Variants in GPM6A observed in about 807,000 individuals in gnomAD.
GPM6A encodes neuronal membrane glycoprotein M6-a.
GPM6A carries 7 observed loss-of-function variants against 32.1 expected under a neutral mutation model. That is an observed-to-expected ratio of 0.22 (90% CI 0.12 to 0.41). The LOEUF is 0.41. Ranked by LOEUF, GPM6A falls within the 10% of genes least tolerant of loss-of-function variation. The pLI is 1.00. For missense variants in GPM6A, 235 were observed against 347.2 expected (o/e 0.68, Z 2.57); for synonymous variants, 130 against 123.4 (o/e 1.05, Z -0.35).
intron 1 of GPM6A, among the ~76,000 whole-genome samples, chr4:175,761,168 G>A (rs1383202196): frequency 2.6e-5 from 4 of 152,110 alleles, no homozygotes; most frequent in Non-Finnish European, 5.9e-5. Flanking sequence ...TTTTCAAGAT[G>A]GATCTTGCTC....
intron 1 of GPM6A, among the ~76,000 whole-genome samples, chr4:175,876,058 T>C (rs1461161633): frequency 6.6e-6 from 1 of 152,234 alleles, no homozygotes; most frequent in Non-Finnish European, 1.5e-5. Flanking sequence ...ACCTTTTTTG[T>C]CACTTACTTT....
intron 1 of GPM6A, among the ~76,000 whole-genome samples, chr4:175,777,501 A>G (rs1488397665): frequency 6.6e-6 from 1 of 152,130 alleles, no homozygotes; most frequent in Admixed American, 6.5e-5. Context: ...ATTGTGAGAT[A>G]GAGAACATTC....
chr4:175,729,382 A>G (rs1303186067), intron 1 of GPM6A, among the ~76,000 whole-genome samples: 1 of 152,148 alleles, frequency 6.6e-6, no homozygotes, highest in African/African-American at 2.4e-5. Flanking sequence ...CAGGAAATGC[A>G]CCTTGACCCA....
intron 1 of GPM6A, among the ~76,000 whole-genome samples, chr4:175,891,063 C>A (rs1737633647): frequency 6.6e-6 from 1 of 152,114 alleles, no homozygotes; most frequent in South Asian, 2.1e-4. Flanking sequence ...GCCTGGAACT[C>A]ACCTTTATGA....
chr4:175,793,584 C>T (rs1211514183), intron 1 of GPM6A, among the ~76,000 whole-genome samples: 1 of 152,132 alleles, frequency 6.6e-6, no homozygotes, highest in African/African-American at 2.4e-5. Flanking sequence ...CTATGTTGGC[C>T]AGGCTGGTCT....
At chr4:175,954,236 C>T (rs7688623) in intron 1 of GPM6A, among the ~76,000 whole-genome samples, 77,579 of 152,046 alleles carry the variant, frequency 0.51, 22,628 homozygotes, top group Non-Finnish European at 0.63. Context: ...AATCCAGGTG[C>T]TCAACAGTCA....
chr4:175,833,423 T>C (rs916709721), intron 1 of GPM6A, among the ~76,000 whole-genome samples: 1 of 152,200 alleles, frequency 6.6e-6, no homozygotes, highest in Non-Finnish European at 1.5e-5. Context: ...TTTGTTTTGT[T>C]ATGTTTTGTT....
At chr4:175,813,187 G>T (rs1291418852), upstream of GPM6A, 3 of 542,426 alleles carry the variant, frequency 5.5e-6, no homozygotes, top group African/African-American at 6.1e-5. Context: ...TCTCTTGAAA[G>T]GGAATTTCTT....
At chr4:175,890,492 T>C (rs1225065529) in intron 1 of GPM6A, among the ~76,000 whole-genome samples, 1 of 76,942 alleles carries the variant, frequency 1.3e-5, no homozygotes, top group Admixed American at 1.4e-4. Flanking sequence ...AGAGCAATTT[T>C]ATTTTATTTT....
intron 1 of GPM6A, among the ~76,000 whole-genome samples, chr4:175,757,631 T>A (rs1362207543): frequency 6.6e-6 from 1 of 152,168 alleles, no homozygotes; most frequent in East Asian, 1.9e-4. Context: ...GCAAGGAATG[T>A]AACAACCCAT....
chr4:175,643,373 T>C lies in GPM6A; in HGVS notation c.542-2544A>G, dbSNP rs142112468. 5.2e-3 allele frequency among the ~76,000 whole-genome samples: 785 copies of C among 152,294 alleles called. 7 individuals are homozygous for C. The highest frequency in any genetic ancestry group is 0.016 in the African/African-American group (683 of 41,560). ...CAAGATGGTACATCGTGGGAACTCA[T>C]AGACTTCATCTCAGTCTTTTGTCCT... On this transcript the variant is annotated intron_variant, in intron 4 of 6. Coordinates refer to ENST00000393658, the MANE Select transcript of GPM6A (RefSeq NM_201591.3).
At chr4:175,866,568 A>G (rs10033403) in intron 1 of GPM6A, among the ~76,000 whole-genome samples, 51,487 of 152,006 alleles carry the variant, frequency 0.34, 8,698 homozygotes, top group East Asian at 0.36. Flanking sequence ...ACATTTAAGG[A>G]TTCCCCGTGT....
chr4:175,656,213 A>C (rs552412381), intron 3 of GPM6A, among the ~76,000 whole-genome samples: 1 of 152,252 alleles, frequency 6.6e-6, no homozygotes, highest in South Asian at 2.1e-4. Context: ...GAATTAGTTA[A>C]TTCATTGATC....
At chr4:175,813,605 C>T (rs1035743695), upstream of GPM6A, among the ~76,000 whole-genome samples, 1 of 152,038 alleles carries the variant, frequency 6.6e-6, no homozygotes, top group Non-Finnish European at 1.5e-5. Context: ...GACACACACA[C>T]AGACATAACT....
chr4:175,672,497 A>C (rs901898574), intron 3 of GPM6A, among the ~76,000 whole-genome samples: 1 of 152,218 alleles, frequency 6.6e-6, no homozygotes, highest in African/African-American at 2.4e-5. Context: ...TTGCCTTTTT[A>C]CTGGAGAAAT....
chr4:175,999,639 T>C (rs1285113922), intron 1 of GPM6A, among the ~76,000 whole-genome samples: 2 of 152,190 alleles, frequency 1.3e-5, no homozygotes, highest in Non-Finnish European at 2.9e-5. Flanking sequence ...AGAGTTCAGA[T>C]TTCTTCTTCT....
chr4:175,767,905 C>T (rs936890096), intron 1 of GPM6A, among the ~76,000 whole-genome samples: 1 of 152,166 alleles, frequency 6.6e-6, no homozygotes, highest in African/African-American at 2.4e-5. Context: ...GTCTTAGATG[C>T]CACATATTTC....
chr4:175,707,847 T>G (rs1397570507), intron 1 of GPM6A, among the ~76,000 whole-genome samples: 1 of 152,214 alleles, frequency 6.6e-6, no homozygotes, highest in Non-Finnish European at 1.5e-5. Context: ...GGTCTCTTGT[T>G]TTAAATTCTA....
chr4:175,641,412 C>G (rs925362621), intron 4 of GPM6A: 1 of 152,520 alleles, frequency 6.6e-6, no homozygotes, highest in African/African-American at 2.4e-5. Flanking sequence ...TAGACTCTAA[C>G]ACAAAACTGA....
Sources: gnomAD v4.1 joint callset for allele counts (sites outside exome capture counted in the v4.1 genomes callset) on GRCh38, gnomAD v4.1.1 for gene constraint, MANE v1.5 for transcripts, NCBI Gene and HGNC (gene_info 2026-07-23, HGNC 2026-07-21) for gene names.